Variants in ZNF385D observed in about 807,000 individuals in gnomAD.
The protein encoded by ZNF385D is zinc finger protein 385D.
A neutral mutation model predicts 35.8 loss-of-function variants in ZNF385D; 15 were observed. That is an observed-to-expected ratio of 0.42 (90% CI 0.28 to 0.64). ZNF385D has a LOEUF of 0.64. Ranked by LOEUF, ZNF385D falls within the 30% of genes least tolerant of loss-of-function variation. The pLI is 0.23. For synonymous variants in ZNF385D, 212 were observed against 186.8 expected, an observed-to-expected ratio of 1.13 and a Z score of -1.10; for missense variants, 474 against 494.6, an observed-to-expected ratio of 0.96 and a Z score of 0.39.
intron 2 of ZNF385D, among the ~76,000 whole-genome samples, chr3:22,253,201 G>C (rs1323948826): frequency 6.6e-6 from 1 of 151,996 alleles, no homozygotes; most frequent in Non-Finnish European, 1.5e-5. Flanking sequence ...AAAATACTAA[G>C]TTTGAGGGAG....
chr3:21,624,864 G>A (rs904535141), intron 2 of ZNF385D, among the ~76,000 whole-genome samples: 22 of 152,002 alleles, frequency 1.4e-4, no homozygotes, highest in Admixed American at 1.4e-3. Flanking sequence ...ATCCATTAAA[G>A]AACAGAGGTA....
intron 2 of ZNF385D, among the ~76,000 whole-genome samples, chr3:22,172,031 A>T (rs1405091307): frequency 6.6e-6 from 1 of 152,350 alleles, no homozygotes; most frequent in South Asian, 2.1e-4. Flanking sequence ...TGGAAATTTG[A>T]CATATTTGAG....
intron 3 of ZNF385D, among the ~76,000 whole-genome samples, chr3:21,821,059 A>G (rs903354622): frequency 2.0e-5 from 3 of 152,124 alleles, no homozygotes; most frequent in Non-Finnish European, 4.4e-5. Flanking sequence ...ACAGGTAAAA[A>G]TATTTTTTCA....
intron 1 of ZNF385D, among the ~76,000 whole-genome samples, chr3:21,715,591 A>ATT (rs148436166): frequency 2.6e-5 from 4 of 151,156 alleles, no homozygotes; most frequent in Non-Finnish European, 5.9e-5. Flanking sequence ...AAATATATTG[A>ATT]TTTTTTTTTC....
At chr3:21,998,422 T>G (rs979748276) in intron 3 of ZNF385D, among the ~76,000 whole-genome samples, 5 of 152,200 alleles carry the variant, frequency 3.3e-5, no homozygotes, top group African/African-American at 1.2e-4. Context: ...CCATCAAAAT[T>G]CCATCTTTAC....
chr3:22,072,266 G>A lies in ZNF385D; in HGVS notation c.325+96551C>T, dbSNP rs115010887. 7.2e-3 allele frequency among the ~76,000 whole-genome samples: 1,089 copies of A among 152,128 alleles called. 15 individuals carry two copies. The highest frequency in any genetic ancestry group is 0.024 in the African/African-American group (980 of 41,530). ...GAAAATTCCTGAACTAGACATGGGC[G>A]AAAGCCATGTACAACAGATGCTGTG... On this transcript the variant is annotated intron_variant, in intron 3 of 5. Coordinates refer to the ZNF385D transcript ENST00000494108.
Position 21,667,113 on chromosome 3 carries a change from G to A in ZNF385D, c.23-2085C>T, listed in dbSNP as rs117722382. ...CTCAGAAGTAAAGTAAGATTTGGTC[G>A]AAATCAGTGATGTGGTGAAATTTAA... On this transcript the variant is annotated intron_variant, in intron 1 of 7. Transcript: ENST00000281523. Among the ~76,000 whole-genome samples, 331 of 152,188 alleles carry A rather than the reference G, an allele frequency of 2.2e-3. 3 individuals carry two copies. The highest frequency in any genetic ancestry group is 0.015 in the East Asian group (76 of 5,170).
At chr3:21,980,760 T>C (rs775219107) in intron 3 of ZNF385D, among the ~76,000 whole-genome samples, 36 of 152,122 alleles carry the variant, frequency 2.4e-4, no homozygotes, top group South Asian at 2.1e-4. Context: ...TGTTTCCTTC[T>C]TTGTGTTCAT....
intron 2 of ZNF385D, among the ~76,000 whole-genome samples, chr3:22,178,719 G>T (rs556038832): frequency 6.6e-6 from 1 of 152,272 alleles, no homozygotes; most frequent in Non-Finnish European, 1.5e-5. Context: ...ATGGATTTAG[G>T]TCTAACATGT....
chr3:22,209,908 C>T (rs540791015), intron 2 of ZNF385D, among the ~76,000 whole-genome samples: 6 of 151,698 alleles, frequency 4.0e-5, no homozygotes, highest in African/African-American at 7.2e-5. Flanking sequence ...TCTGGAAGAC[C>T]GATTGTTTAC....
chr3:21,729,076 T>C (rs567369581), intron 1 of ZNF385D, among the ~76,000 whole-genome samples: 2 of 152,266 alleles, frequency 1.3e-5, no homozygotes, highest in East Asian at 1.9e-4. Flanking sequence ...AATGCCTGTA[T>C]TCTGAGTACA....
intron 2 of ZNF385D, among the ~76,000 whole-genome samples, chr3:22,172,211 C>A (rs942852907): frequency 6.6e-6 from 1 of 152,116 alleles, no homozygotes; most frequent in African/African-American, 2.4e-5. Flanking sequence ...GTATAGACAG[C>A]ACTATTTAAC....
intron 3 of ZNF385D, among the ~76,000 whole-genome samples, chr3:21,761,098 G>C (rs962428889): frequency 2.0e-5 from 3 of 152,118 alleles, no homozygotes; most frequent in African/African-American, 7.2e-5. Flanking sequence ...GGTACACATG[G>C]CAAGGAAGTG....
At chr3:21,764,136 G>C (rs182403130) in intron 3 of ZNF385D, among the ~76,000 whole-genome samples, 81 of 152,248 alleles carry the variant, frequency 5.3e-4, no homozygotes, top group Non-Finnish European at 9.1e-4. Flanking sequence ...GTTGATTTGA[G>C]ATTCATCAGA....
At chr3:22,136,475 A>C (rs1316486484) in intron 3 of ZNF385D, among the ~76,000 whole-genome samples, 2 of 152,202 alleles carry the variant, frequency 1.3e-5, no homozygotes. Flanking sequence ...GACAAGTTAT[A>C]GATTGAGAGA....
chr3:22,082,156 C>A (rs1218301808), intron 3 of ZNF385D, among the ~76,000 whole-genome samples: 1 of 152,040 alleles, frequency 6.6e-6, no homozygotes, highest in Non-Finnish European at 1.5e-5. Context: ...TGGGTGATTT[C>A]TGCATTTCCA....
At chr3:21,464,422 T>G (rs1026685) in intron 4 of ZNF385D, among the ~76,000 whole-genome samples, 78,173 of 151,872 alleles carry the variant, frequency 0.51, 21,243 homozygotes, top group East Asian at 0.69. Context: ...TTTCTCTGCT[T>G]TCTCAATCTT....
At chr3:21,826,787 A>C (rs1694665617) in intron 3 of ZNF385D, among the ~76,000 whole-genome samples, 1 of 150,702 alleles carries the variant, frequency 6.6e-6, no homozygotes, top group Non-Finnish European at 1.5e-5. Context: ...ATAAACAGAG[A>C]AAACATTGGA....
At chr3:22,163,547 G>T (rs1242512877) in intron 3 of ZNF385D, among the ~76,000 whole-genome samples, 1 of 151,952 alleles carries the variant, frequency 6.6e-6, no homozygotes, top group Middle Eastern at 3.4e-3. Flanking sequence ...AGTTTTTTTT[G>T]TAGTATATAA....
Sources: gnomAD v4.1 joint callset for allele counts (sites outside exome capture counted in the v4.1 genomes callset) on GRCh38, gnomAD v4.1.1 for gene constraint, MANE v1.5 for transcripts, NCBI Gene and HGNC (gene_info 2026-07-23, HGNC 2026-07-21) for gene names.